Variants in ETF1 observed in about 807,000 individuals in gnomAD.
The protein encoded by ETF1 is eukaryotic translation termination factor 1.
Under a neutral mutation model 55.1 loss-of-function variants are expected in ETF1, and 4 were observed. The observed-to-expected ratio is 0.07, with a 90% CI of 0.04 to 0.17. The LOEUF (loss-of-function observed/expected upper bound fraction) is 0.17, where lower values mean the gene tolerates loss of function less well. Ranked by LOEUF, ETF1 falls within the 10% of genes least tolerant of loss-of-function variation. ETF1 has a pLI of 1.00. For synonymous variants in ETF1, 157 were observed against 182.3 expected (o/e 0.86, Z 1.12); for missense variants, 142 against 523.6 (o/e 0.27, Z 7.11).
chr5:138,540,902 T>C (rs943877369), intron 2 of ETF1, among the ~76,000 whole-genome samples: 1 of 152,236 alleles, frequency 6.6e-6, no homozygotes, highest in African/African-American at 2.4e-5. Flanking sequence ...GTTTCCTTCA[T>C]TAAGCAGTAG....
chr5:138,522,581 T>C (rs905231841), intron 2 of ETF1, among the ~76,000 whole-genome samples: 2 of 140,864 alleles, frequency 1.4e-5, no homozygotes, highest in African/African-American at 2.6e-5. Context: ...TTCATAATAG[T>C]AAAAAAAAAA....
In ETF1 at chr5:138,513,270, C is replaced by T. The variant is rs1764887356; in HGVS notation, c.541+298G>A. 8 of 946,672 alleles carry T rather than the reference C, an allele frequency of 8.5e-6. No homozygotes were observed. In the South Asian group the frequency reaches 1.5e-4, roughly 17 times the overall value. The allele number at this position is 946,672 out of a possible 1,614,324, so 58.6% of individuals were successfully genotyped here. ...TTTTTGAGACAGAGTCTCACTCTGT[C>T]GCCCAGACTGGAGTGCAGTGGCGCA... On this transcript the variant is annotated intron_variant, in intron 5 of 10. Transcript: ENST00000360541.
intron 2 of ETF1, among the ~76,000 whole-genome samples, chr5:138,528,977 C>G (rs1289487605): frequency 1.3e-5 from 2 of 152,028 alleles, no homozygotes; most frequent in African/African-American, 4.8e-5. Context: ...GGAAACCCAT[C>G]TCTACTAAAA....
At chr5:138,521,837 T>TA (rs1177836730) in intron 2 of ETF1, among the ~76,000 whole-genome samples, 1 of 152,210 alleles carries the variant, frequency 6.6e-6, no homozygotes, top group East Asian at 1.9e-4. Flanking sequence ...GCCTGTAAGT[T>TA]AAAATTTTTT....
chr5:138,518,278 G>A (rs892692108), intron 3 of ETF1, among the ~76,000 whole-genome samples: 7 of 150,898 alleles, frequency 4.6e-5, no homozygotes, highest in African/African-American at 1.5e-4. Flanking sequence ...CAGCGAGATC[G>A]TGGCTCACTG....
At chr5:138,541,740 T>C in intron 2 of ETF1, 1 of 501,418 alleles carries the variant, frequency 2.0e-6, no homozygotes, top group East Asian at 1.1e-4. Flanking sequence ...TACAAGTATG[T>C]AATAATGTTC....
At chr5:138,515,286 G>A (rs1158111235) in intron 4 of ETF1, among the ~76,000 whole-genome samples, 3 of 152,146 alleles carry the variant, frequency 2.0e-5, no homozygotes, top group Admixed American at 6.5e-5. Context: ...TTAGTTGGGC[G>A]TGGTGGTGCA....
chr5:138,530,708 G>A (rs184885299), intron 2 of ETF1, among the ~76,000 whole-genome samples: 7 of 152,186 alleles, frequency 4.6e-5, no homozygotes, highest in Non-Finnish European at 8.8e-5. Context: ...CAAGTAGCTA[G>A]GGTTACAGGC....
intron 2 of ETF1, among the ~76,000 whole-genome samples, chr5:138,536,410 T>C (rs532863251): frequency 6.6e-6 from 1 of 152,268 alleles, no homozygotes; most frequent in South Asian, 2.1e-4. Context: ...GTGTGTCAAA[T>C]GGCATAAGAT....
At chr5:138,536,157 T>A (rs1342778689) in intron 2 of ETF1, among the ~76,000 whole-genome samples, 1 of 152,206 alleles carries the variant, frequency 6.6e-6, no homozygotes, top group Non-Finnish European at 1.5e-5. Flanking sequence ...ATGTGTATTT[T>A]GGAGGAAAAT....
intron 2 of ETF1, chr5:138,541,589 G>A (rs1426234675): frequency 5.2e-6 from 8 of 1,532,294 alleles, no homozygotes; most frequent in Non-Finnish European, 7.0e-6. Context: ...AGAGCTTGGA[G>A]GGGCTGTCAT....
At chr5:138,512,258 A>ATAT (rs1484458741) in intron 6 of ETF1, among the ~76,000 whole-genome samples, 3 of 20,022 alleles carry the variant, frequency 1.5e-4, no homozygotes, top group African/African-American at 3.8e-4. Flanking sequence ...ATATATATAT[A>ATAT]TTTTTTTTTT....
At chr5:138,522,367 T>C (rs1267979396) in intron 2 of ETF1, among the ~76,000 whole-genome samples, 1 of 152,148 alleles carries the variant, frequency 6.6e-6, no homozygotes, top group African/African-American at 2.4e-5. Flanking sequence ...AGACATAGCA[T>C]GTGAAGAAAT....
At chr5:138,535,345 T>C (rs1765875669) in intron 2 of ETF1, among the ~76,000 whole-genome samples, 2 of 151,856 alleles carry the variant, frequency 1.3e-5, no homozygotes, top group South Asian at 4.1e-4. Flanking sequence ...TGGCTTTTTT[T>C]TTTGAGACAG....
intron 2 of ETF1, among the ~76,000 whole-genome samples, chr5:138,535,657 G>A (rs1325226732): frequency 5.4e-5 from 8 of 148,954 alleles, no homozygotes; most frequent in Non-Finnish European, 7.4e-5. Flanking sequence ...GGAGGTGGAG[G>A]TTGCAGTGAG....
At chr5:138,508,573 A>G (rs1581010919) in intron 10 of ETF1, 96 bp downstream of exon 10, 1 of 1,565,454 alleles carries the variant, frequency 6.4e-7, no homozygotes, top group East Asian at 2.2e-5. Context: ...CCCAGCAGAT[A>G]ATAAGCACCT....
chr5:138,531,668 T>C (rs1165598078), intron 2 of ETF1, among the ~76,000 whole-genome samples: 2 of 152,246 alleles, frequency 1.3e-5, no homozygotes, highest in East Asian at 1.9e-4. Flanking sequence ...ATGGCTGGGT[T>C]GTGCCTAGGC....
chr5:138,508,931 G>A lies in ETF1; in HGVS notation c.1084-115C>T, dbSNP rs997736864. On this transcript the variant is annotated intron_variant, in intron 9 of 10. Coordinates refer to ENST00000360541, the MANE Select transcript of ETF1 (RefSeq NM_004730.4). Reference sequence around the variant, plus strand: ...CTCTCATCCTCCCATTTATAGGCATGTCTGTGTGTAAAGCTCTGTAAGTCA... The same window carrying A: ...CTCTCATCCTCCCATTTATAGGCATATCTGTGTGTAAAGCTCTGTAAGTCA... The A allele has an allele frequency of 1.0e-5, 15 of 1,480,990 alleles. No individual in the cohort carries two copies. The African/African-American group carries it at 2.0e-4, about 19-fold the overall frequency. The allele number at this position is 1,480,990 out of a possible 1,614,324, so 91.7% of individuals were successfully genotyped here. A position where few individuals can be genotyped will look rare whatever the true frequency, so the allele number is the denominator to read the frequency against.
rs369411435 is a variant in ETF1 at position 138,542,822 on chromosome 5, G to T, written c.86+11C>A. 6.2e-7 allele frequency: 1 copy of T among 1,612,016 alleles called. No homozygotes were observed. Among genetic ancestry groups the T allele is most frequent in the Non-Finnish European group, 8.5e-7 (1 of 1,179,616 alleles). On this transcript the variant is annotated intron_variant, in intron 2 of 10. Coordinates refer to ENST00000360541, the MANE Select transcript of ETF1 (RefSeq NM_004730.4). ...CAAGAGGGCACGGAGGGTGCCGGAC[G>T]CGGCGCTCACCCGCGGGCCGCCTCC...
Sources: gnomAD v4.1 joint callset for allele counts (sites outside exome capture counted in the v4.1 genomes callset) on GRCh38, gnomAD v4.1.1 for gene constraint, MANE v1.5 for transcripts, NCBI Gene and HGNC (gene_info 2026-07-23, HGNC 2026-07-21) for gene names.